The following PSMB2 variants were observed in gnomAD, a reference collection of about 807,000 sequenced individuals.
PSMB2 encodes the protein proteasome 20S subunit beta 2.
In PSMB2, 13 loss-of-function variants were observed where a neutral mutation model predicts 25.7. The observed-to-expected ratio is 0.51, with a 90% CI of 0.33 to 0.80. The LOEUF is 0.80. Among genes scored for constraint, PSMB2 ranks in the 30% least tolerant of loss-of-function variants. The pLI is 0.02. For synonymous variants in PSMB2, 87 were observed against 96.2 expected (o/e 0.90, Z 0.56); for missense variants, 202 against 259.0 (o/e 0.78, Z 1.51).
At chr1:35,639,625 C>A (rs564826792) in intron 1 of PSMB2, among the ~76,000 whole-genome samples, 11 of 152,296 alleles carry the variant, frequency 7.2e-5, no homozygotes, top group African/African-American at 2.6e-4. Context: ...GTACTGTGTA[C>A]ATAAGTAGGC....
chr1:35,617,190 A>G (rs1257137643), intron 3 of PSMB2, among the ~76,000 whole-genome samples: 1 of 152,164 alleles, frequency 6.6e-6, no homozygotes, highest in Non-Finnish European at 1.5e-5. Flanking sequence ...CTGGTATAAC[A>G]GGCGCACGCC....
chr1:35,623,594 C>T (rs1650759754), intron 3 of PSMB2, among the ~76,000 whole-genome samples: 1 of 152,232 alleles, frequency 6.6e-6, no homozygotes, highest in South Asian at 2.1e-4. Context: ...AGCAGCACAA[C>T]ATTTTGTCTC....
intron 1 of PSMB2, among the ~76,000 whole-genome samples, chr1:35,637,605 G>A (rs1310662606): frequency 1.3e-5 from 2 of 152,142 alleles, no homozygotes; most frequent in African/African-American, 2.4e-5. Context: ...CTGTTTGAAA[G>A]CTTCTGAAAT....
chr1:35,628,631 ATTTTTT>A (rs138110586), intron 3 of PSMB2, among the ~76,000 whole-genome samples: 1 of 38,086 alleles, frequency 2.6e-5, no homozygotes, highest in African/African-American at 1.3e-4. Flanking sequence ...ATATATATAT[ATTTTTT>A]TTTTTTTTTT....
chr1:35,622,506 T>C (rs569942), intron 3 of PSMB2, among the ~76,000 whole-genome samples: 152,120 of 152,328 alleles, frequency 1, 75,959 homozygotes, highest in Middle Eastern at 1. Flanking sequence ...TAAAACAATA[T>C]AAATCTAGAC....
At chr1:35,604,448 T>C (rs1650100508) in intron 5 of PSMB2, among the ~76,000 whole-genome samples, 1 of 152,174 alleles carries the variant, frequency 6.6e-6, no homozygotes, top group South Asian at 2.1e-4. Flanking sequence ...GCAGGCAGTA[T>C]GGCAATTACA....
chr1:35,608,740 G>A (rs992128885), intron 4 of PSMB2, among the ~76,000 whole-genome samples: 1 of 152,200 alleles, frequency 6.6e-6, no homozygotes, highest in African/African-American at 2.4e-5. Context: ...ACAACCAAGG[G>A]AAGGCTCAGA....
chr1:35,619,418 CTTACAGTTGTG>C (rs1650609649), intron 3 of PSMB2, among the ~76,000 whole-genome samples: 1 of 152,160 alleles, frequency 6.6e-6, no homozygotes, highest in South Asian at 2.1e-4. Flanking sequence ...GCTTTATCAC[CTTACAGTTGTG>C]TTACTTGAGA....
Position 35,600,718 on chromosome 1 carries a change from G to A in PSMB2, c.*2549C>T, listed in dbSNP as rs1649967321. The A allele has an allele frequency of 5.1e-6, 5 of 985,392 alleles. No homozygotes were observed. The South Asian group carries it at 2.3e-4, about 46-fold the overall frequency. The allele number at this position is 985,392 out of a possible 1,614,324, so 61.0% of individuals were successfully genotyped here. On this transcript the variant is annotated 3_prime_UTR_variant, in exon 6 of 6. Coordinates refer to ENST00000373237, the MANE Select transcript of PSMB2 (RefSeq NM_002794.5). ...ATTTGGAGCTCAGGAAAGAGATCCA[G>A]ATTGGCAAAAAAACACTGAGAGTCA...
intron 2 of PSMB2, among the ~76,000 whole-genome samples, chr1:35,633,552 T>G (rs1156829386): frequency 6.6e-6 from 1 of 152,234 alleles, no homozygotes; most frequent in Non-Finnish European, 1.5e-5. Flanking sequence ...CTCTTGCTAC[T>G]CTTGTTCACT....
At chr1:35,605,461 G>GC (rs1650139128) in intron 4 of PSMB2, among the ~76,000 whole-genome samples, 179 bp from the exon 5 acceptor site, 2 of 152,224 alleles carry the variant, frequency 1.3e-5, no homozygotes, top group Non-Finnish European at 2.9e-5. Context: ...AGCTGGGGGG[G>GC]CCCCAGACCC....
intron 4 of PSMB2, 59 bp from the exon 5 acceptor site, chr1:35,605,341 A>G: frequency 6.5e-7 from 1 of 1,537,536 alleles, no homozygotes; most frequent in Non-Finnish European, 9.0e-7. Flanking sequence ...CAACTCTCAG[A>G]AGCTTTTGAT....
At chr1:35,610,702 G>A (rs1220392275) in intron 3 of PSMB2, among the ~76,000 whole-genome samples, 2 of 152,094 alleles carry the variant, frequency 1.3e-5, no homozygotes, top group Non-Finnish European at 2.9e-5. Context: ...CATCATGTTG[G>A]CCAGGTTGGT....
chr1:35,619,413 A>T (rs909273716), intron 3 of PSMB2, among the ~76,000 whole-genome samples: 50 of 152,198 alleles, frequency 3.3e-4, no homozygotes, highest in Non-Finnish European at 2.1e-4. Context: ...ATGTGGCTTT[A>T]TCACCTTACA....
intron 5 of PSMB2, 95 bp from the exon 6 acceptor site, chr1:35,603,469 A>T: frequency 7.0e-7 from 1 of 1,426,136 alleles, no homozygotes; most frequent in Non-Finnish European, 9.5e-7. Flanking sequence ...AGCAAACAAA[A>T]ATCCCTGCTT....
chr1:35,638,769 T>C lies in PSMB2; in HGVS notation c.92-2337A>G, dbSNP rs961540057. On this transcript the variant is annotated intron_variant, in intron 1 of 5. Coordinates refer to ENST00000373237, the MANE Select transcript of PSMB2 (RefSeq NM_002794.5). ...GCAAACCAAAAGTTATACCACTTAATAAGGTGGCAATCCTCAGCAAATGTC... is the reference window on the plus strand; with the variant it reads ...GCAAACCAAAAGTTATACCACTTAACAAGGTGGCAATCCTCAGCAAATGTC... Among the ~76,000 whole-genome samples the C allele has an allele frequency of 2.0e-5, 3 of 152,156 alleles. No homozygotes were observed. The East Asian group carries it at 5.8e-4, about 29-fold the overall frequency.
rs61192957 is a variant in PSMB2, at chr1:35,603,190, C to T, written c.*77G>A. ...CTGAATTAACCATTTATCAAGAGTG[C>T]GCCTGAAAAGAGTAGAAAAAAATAA... On this transcript the variant is annotated 3_prime_UTR_variant, in exon 6 of 6. Coordinates refer to ENST00000373237, the MANE Select transcript of PSMB2 (RefSeq NM_002794.5). 576 of 1,548,006 alleles carry T rather than the reference C, an allele frequency of 3.7e-4. 6 individuals are homozygous for T. The East Asian group carries it at 9.7e-3, about 26-fold the overall frequency.
At chr1:35,613,374 T>TG (rs1157432603) in intron 3 of PSMB2, among the ~76,000 whole-genome samples, 1 of 145,716 alleles carries the variant, frequency 6.9e-6, no homozygotes, top group Non-Finnish European at 1.5e-5. Context: ...CCTGTCTCTA[T>TG]GGGAAAAAAA....
intron 1 of PSMB2, 53 bp downstream of exon 1, chr1:35,641,286 CCTT>C (rs1571146299): frequency 5.0e-6 from 8 of 1,607,014 alleles, no homozygotes; most frequent in Admixed American, 1.7e-5. Context: ...CCGACAAACT[CCTT>C]CTGGCCGCTC....
Sources: gnomAD v4.1 joint callset for allele counts (sites outside exome capture counted in the v4.1 genomes callset) on GRCh38, gnomAD v4.1.1 for gene constraint, MANE v1.5 for transcripts, NCBI Gene and HGNC (gene_info 2026-07-23, HGNC 2026-07-21) for gene names.